CDK14: variants seen among roughly 807,000 people sequenced by gnomAD.
The protein encoded by CDK14 is cyclin-dependent kinase 14.
In CDK14, 34 loss-of-function variants were observed where a neutral mutation model predicts 60.7. The ratio of observed to expected loss-of-function variants is 0.56; its 90% CI spans 0.43 to 0.75. The LOEUF is 0.75. CDK14 is among the 30% of genes least tolerant of loss of function. The pLI is 0.00. For missense variants in CDK14, 482 were observed against 564.1 expected (o/e 0.85, Z 1.47); for synonymous variants, 197 against 203.7 (o/e 0.97, Z 0.28).
At chr7:90,666,101 A>G (rs998585452) in intron 2 of CDK14, among the ~76,000 whole-genome samples, 4 of 152,050 alleles carry the variant, frequency 2.6e-5, no homozygotes, top group Non-Finnish European at 4.4e-5. Context: ...ATGTACTTCC[A>G]TTGCCCAGTA....
chr7:90,800,407 G>A (rs1375173472), intron 5 of CDK14, among the ~76,000 whole-genome samples: 3 of 151,896 alleles, frequency 2.0e-5, no homozygotes, highest in Non-Finnish European at 4.4e-5. Context: ...TACAATAAAT[G>A]TTATATGAAT....
chr7:90,928,726 G>A (rs1793498663), intron 8 of CDK14, among the ~76,000 whole-genome samples: 1 of 152,196 alleles, frequency 6.6e-6, no homozygotes, highest in Admixed American at 6.5e-5. Flanking sequence ...TGCATGCTGG[G>A]AGAACCACTA....
At chr7:90,649,394 C>CTTCCTTCCTTCCTTCT (rs1563030128) in intron 2 of CDK14, among the ~76,000 whole-genome samples, 7 of 29,754 alleles carry the variant, frequency 2.4e-4, no homozygotes, top group Non-Finnish European at 2.8e-4. Context: ...TCCTTCCTTC[C>CTTCCTTCCTTCCTTCT]TTCTTTCTTT....
intron 10 of CDK14, among the ~76,000 whole-genome samples, chr7:90,985,232 C>A (rs1161365967): frequency 6.6e-6 from 1 of 152,132 alleles, no homozygotes; most frequent in Non-Finnish European, 1.5e-5. Context: ...TGGAGCCAGA[C>A]TATCTGGGCT....
rs542777546 is a variant in CDK14, at chr7:91,175,420, C to A, written c.*29-31745C>A. On this transcript the variant is annotated intron_variant, in intron 14 of 14. Coordinates refer to ENST00000380050, the MANE Select transcript of CDK14 (RefSeq NM_001287135.2). Reference sequence around the variant, plus strand: ...ATCAACTAACGAGCAAAATAACCAGCTAACATCATCATGACAGGATCAAAT... The same window carrying A: ...ATCAACTAACGAGCAAAATAACCAGATAACATCATCATGACAGGATCAAAT... 9.0e-3 allele frequency among the ~76,000 whole-genome samples: 1,368 copies of A among 151,692 alleles called. 30 individuals carry two copies. The highest frequency in any genetic ancestry group is 0.03 in the African/African-American group (1,258 of 41,342).
intron 10 of CDK14, among the ~76,000 whole-genome samples, chr7:91,002,193 A>G (rs565731744): frequency 6.6e-6 from 1 of 152,326 alleles, no homozygotes; most frequent in African/African-American, 2.4e-5. Flanking sequence ...TCCCCTGTGT[A>G]GTATCCCCCC....
At chr7:91,087,767 T>C (rs1798681932) in intron 12 of CDK14, among the ~76,000 whole-genome samples, 1 of 152,164 alleles carries the variant, frequency 6.6e-6, no homozygotes, top group Admixed American at 6.6e-5. Context: ...TGGAATATTC[T>C]TTTTACCTTC....
At chr7:90,957,318 G>A (rs1329109236) in intron 9 of CDK14, among the ~76,000 whole-genome samples, 1 of 152,164 alleles carries the variant, frequency 6.6e-6, no homozygotes, top group Non-Finnish European at 1.5e-5. Flanking sequence ...TAACTGGTGT[G>A]AGATGGTATC....
chr7:90,737,322 T>C (rs1803161489), intron 3 of CDK14, among the ~76,000 whole-genome samples: 1 of 152,186 alleles, frequency 6.6e-6, no homozygotes, highest in African/African-American at 2.4e-5. Context: ...CTCTCTACAT[T>C]CCACAAATTG....
intron 2 of CDK14, chr7:90,710,167 G>T (rs1219644605): frequency 3.0e-6 from 3 of 985,186 alleles, no homozygotes; most frequent in East Asian, 1.1e-4. Flanking sequence ...ACTCATGGGA[G>T]AGTCTTTTGA....
chr7:91,166,016 T>C (rs803175), intron 14 of CDK14, among the ~76,000 whole-genome samples: 53,460 of 152,110 alleles, frequency 0.35, 11,532 homozygotes, highest in Non-Finnish European at 0.5. Context: ...TTTCCCTCTA[T>C]TGGTATTTGT....
At chr7:90,787,209 A>T (rs1386364466) in intron 4 of CDK14, among the ~76,000 whole-genome samples, 1 of 152,198 alleles carries the variant, frequency 6.6e-6, no homozygotes, top group Non-Finnish European at 1.5e-5. Context: ...GCAGTCGTAG[A>T]AAAGGGAGAT....
intron 6 of CDK14, among the ~76,000 whole-genome samples, chr7:90,872,087 A>G (rs1791388284): frequency 6.6e-6 from 1 of 152,182 alleles, no homozygotes; most frequent in South Asian, 2.1e-4. Flanking sequence ...ATACAAATAT[A>G]TAGACCTTGT....
chr7:90,719,016 A>G (rs1386868633), intron 2 of CDK14, among the ~76,000 whole-genome samples: 1 of 152,200 alleles, frequency 6.6e-6, no homozygotes, highest in African/African-American at 2.4e-5. Flanking sequence ...TTAAGTGCTC[A>G]AAAACTTATA....
At chr7:91,131,313 C>G (rs185061662) in intron 14 of CDK14, among the ~76,000 whole-genome samples, 1 of 152,142 alleles carries the variant, frequency 6.6e-6, no homozygotes, top group East Asian at 1.9e-4. Context: ...ATGAGATGCC[C>G]TTTCACCACT....
At chr7:91,050,090 TG>T (rs1241487754) in intron 11 of CDK14, among the ~76,000 whole-genome samples, 2 of 152,090 alleles carry the variant, frequency 1.3e-5, no homozygotes, top group Non-Finnish European at 2.9e-5. Context: ...ATGCCCTGAA[TG>T]GGGAGGAGTG....
chr7:91,187,728 A>G (rs940452104), intron 14 of CDK14, among the ~76,000 whole-genome samples: 2 of 152,320 alleles, frequency 1.3e-5, no homozygotes, highest in Middle Eastern at 3.4e-3. Context: ...ATACTACACC[A>G]TATTTTATAG....
chr7:90,919,240 TAATTG>T (rs2117425356), intron 8 of CDK14, among the ~76,000 whole-genome samples: 1 of 152,322 alleles, frequency 6.6e-6, no homozygotes, highest in South Asian at 2.1e-4. Context: ...TATTGAGCAT[TAATTG>T]TATGAACATG....
intron 14 of CDK14, among the ~76,000 whole-genome samples, chr7:91,200,598 C>A (rs934096615): frequency 6.6e-6 from 1 of 152,054 alleles, no homozygotes; most frequent in Non-Finnish European, 1.5e-5. Flanking sequence ...TAAACAGTTA[C>A]GCGCTTTAGT....
Sources: gnomAD v4.1 joint callset for allele counts (sites outside exome capture counted in the v4.1 genomes callset) on GRCh38, gnomAD v4.1.1 for gene constraint, MANE v1.5 for transcripts, NCBI Gene and HGNC (gene_info 2026-07-23, HGNC 2026-07-21) for gene names.